The following FAT4 variants were observed in gnomAD, a reference collection of about 807,000 sequenced individuals.
FAT4 encodes FAT atypical cadherin 4.
In FAT4, 84 loss-of-function variants were observed where a neutral mutation model predicts 303.9. The observed-to-expected ratio is 0.28, with a 90% confidence interval of 0.23 to 0.33. FAT4 has a LOEUF of 0.33. FAT4 is among the 10% of genes least tolerant of loss of function. FAT4 has a pLI of 1.00. For missense variants in FAT4, 6,005 were observed against 6,146.8 expected, an observed-to-expected ratio of 0.98 and a Z score of 0.77; for synonymous variants, 2,307 against 2,298.8, an observed-to-expected ratio of 1.00 and a Z score of -0.10.
At position 125,409,413 on chromosome 4, in the gene FAT4, C is replaced by T. The variant is rs145278709; in HGVS notation, c.5920+619C>T. On this transcript the variant is annotated intron_variant, in intron 5 of 17. Transcript: ENST00000394329. ...CTAGGATTATAGGCATGCACCACCA[C>T]GCCTGGCTAATTTTGTATTTTTAGT... Among the ~76,000 whole-genome samples, 2,503 of 152,070 alleles carry T rather than the reference C, an allele frequency of 0.016. 173 individuals carry two copies. In the East Asian group the frequency reaches 0.25, roughly 15 times the overall value.
At chr4:125,363,193 G>C (rs1732737150) in intron 2 of FAT4, among the ~76,000 whole-genome samples, 1 of 151,970 alleles carries the variant, frequency 6.6e-6, no homozygotes, top group Non-Finnish European at 1.5e-5. Context: ...TAATTTCAAA[G>C]ACATGGAATT....
At chr4:125,342,447 A>C (rs543170744) in intron 2 of FAT4, among the ~76,000 whole-genome samples, 37 of 152,108 alleles carry the variant, frequency 2.4e-4, no homozygotes, top group African/African-American at 8.9e-4. Flanking sequence ...TTGACTTTTC[A>C]GCACTTACCT....
intron 2 of FAT4, among the ~76,000 whole-genome samples, chr4:125,344,175 C>T (rs578118660): frequency 6.6e-6 from 1 of 152,248 alleles, no homozygotes; most frequent in African/African-American, 2.4e-5. Context: ...ATTTGGATTT[C>T]GAATAAGATT....
intron 2 of FAT4, among the ~76,000 whole-genome samples, chr4:125,370,394 G>C (rs970593675): frequency 2.0e-5 from 3 of 152,106 alleles, no homozygotes; most frequent in Non-Finnish European, 4.4e-5. Flanking sequence ...AAACTGTACA[G>C]CACCTAACAA....
intron 2 of FAT4, among the ~76,000 whole-genome samples, chr4:125,329,767 A>C (rs1731303234): frequency 1.3e-5 from 2 of 152,178 alleles, no homozygotes. Flanking sequence ...CCCCAATAAA[A>C]ACATATTCCA....
Position 125,399,653 on chromosome 4 carries a change from G to A in FAT4, c.5307+738G>A, listed in dbSNP as rs145222073. Among the ~76,000 whole-genome samples, 356 of 151,780 alleles carry A rather than the reference G, an allele frequency of 2.3e-3. 3 individuals are homozygous for A. Among genetic ancestry groups the A allele is most frequent in the Admixed American group, 8.1e-3 (123 of 15,220 alleles). Reference sequence around the variant, plus strand: ...ATCAGTGCTTTATAAATGTATTTCTGTAACCTTAAAAATTTAAATAAATAA... The same window carrying A: ...ATCAGTGCTTTATAAATGTATTTCTATAACCTTAAAAATTTAAATAAATAA... On this transcript the variant is annotated intron_variant, in intron 3 of 17. Transcript: ENST00000394329.
At chr4:125,372,423 C>T (rs559684224) in intron 2 of FAT4, among the ~76,000 whole-genome samples, 1 of 144,888 alleles carries the variant, frequency 6.9e-6, no homozygotes, top group African/African-American at 2.5e-5. Flanking sequence ...ACACTAATAA[C>T]AAAAAAAATA....
Position 125,318,323 on chromosome 4 carries a change from T to A in FAT4, c.1912T>A (p.Ser638Thr). The A allele has an allele frequency of 1.9e-6, 3 of 1,614,188 alleles. No homozygotes were observed. Among genetic ancestry groups the A allele is most frequent in the Non-Finnish European group, 2.5e-6 (3 of 1,180,030 alleles). Residue 638 changes from serine to threonine, a missense_variant, in exon 2 of 18, where the codon TCT becomes ACT. Physicochemically the swap from Ser to Thr is moderately conservative, Grantham distance 58. Transcript: ENST00000394329. ...GAGGTCCTTCCGTCTGGATCCTGTGTCTGGGAGGTTGAGTACTATTTCCTC... is the reference window on the plus strand; with the variant it reads ...GAGGTCCTTCCGTCTGGATCCTGTGACTGGGAGGTTGAGTACTATTTCCTC... ...DRRSFRLDPV[S>T]GRLSTISSLD...
At position 125,451,891 on chromosome 4, in the gene FAT4, T is replaced by A; in HGVS notation, c.10881T>A (p.Gly3627=). 1.2e-6 allele frequency: 2 copies of A among 1,614,062 alleles called. No homozygotes were observed. Among genetic ancestry groups the A allele is most frequent in the Non-Finnish European group, 1.7e-6 (2 of 1,179,992 alleles). The stretch of plus-strand genomic sequence containing the variant: ...TGGAGATATTTGTTAATTATTATGG[T>A]AACTTGTTTCCCGGTGGGATTTTAG... ...RTVEIFVNYY[G]NLFPGGILGS... The change falls in exon 10 of 18, where the codon GGT becomes GGA. Residue 3627 remains glycine (G), a synonymous_variant. Transcript: ENST00000394329.
chr4:125,371,330 G>A (rs1286623973), intron 2 of FAT4, among the ~76,000 whole-genome samples: 1 of 151,542 alleles, frequency 6.6e-6, no homozygotes, highest in Non-Finnish European at 1.5e-5. Flanking sequence ...CAAATAATTA[G>A]TTATACAAAT....
intron 7 of FAT4, among the ~76,000 whole-genome samples, chr4:125,418,130 G>A (rs4834034): frequency 0.99 from 150,903 of 152,320 alleles, 74,764 homozygotes; most frequent in East Asian, 1. Flanking sequence ...GAGAAATTTC[G>A]GAAAAATATG....
chr4:125,479,266 C>T (rs1727139488), intron 14 of FAT4, among the ~76,000 whole-genome samples: 1 of 152,098 alleles, frequency 6.6e-6, no homozygotes, highest in South Asian at 2.1e-4. Context: ...TTTTCTGCCT[C>T]TTCCACAAGA....
At position 125,415,121 on chromosome 4, in the gene FAT4, C is replaced by T; in HGVS notation, c.6158C>T (p.Ser2053Phe). ...AATGATAACCCACCGACATTTCTTT[C>T]CCCTAAATTGACATACATTCCAGAA... is the stretch of plus-strand genomic sequence containing the variant. ...DVNDNPPTFL[S>F]PKLTYIPENT... The change falls in exon 6 of 18, where the codon TCC becomes TTC. Residue 2053 changes from serine to phenylalanine, a missense_variant. By Grantham distance (155) the Ser-to-Phe change is radical. Transcript: ENST00000394329. 6.2e-7 allele frequency: 1 copy of T among 1,614,018 alleles called. No individual in the cohort carries two copies. The highest frequency in any genetic ancestry group is 1.1e-5 in the South Asian group (1 of 91,082).
intron 8 of FAT4, among the ~76,000 whole-genome samples, chr4:125,437,468 A>G (rs1725499426): frequency 1.0e-5 from 1 of 98,400 alleles, no homozygotes; most frequent in Non-Finnish European, 2.0e-5. Flanking sequence ...CTACATACAG[A>G]TTTCTTTCAG....
chr4:125,319,713 A>G lies in FAT4; in HGVS notation c.3302A>G (p.Asn1101Ser), dbSNP rs1165353293. ...EDVNDNRPLF[N>S]STNYTFYFEE... Reference sequence around the variant, plus strand: ...GTAAATGATAACAGACCTCTTTTTAACAGTACCAATTACACATTTTACTTC... The same window carrying G: ...GTAAATGATAACAGACCTCTTTTTAGCAGTACCAATTACACATTTTACTTC... The change falls in exon 2 of 18, where the codon AAC becomes AGC. Residue 1101 changes from asparagine to serine, a missense_variant. By Grantham distance (46) the Asn-to-Ser change is conservative. Transcript: ENST00000394329. 6.2e-7 allele frequency: 1 copy of G among 1,614,150 alleles called. No individual in the cohort carries two copies. The highest frequency in any genetic ancestry group is 1.7e-5 in the Admixed American group (1 of 60,032).
At position 125,328,176 on chromosome 4, in the gene FAT4, G is replaced by A. The variant is rs116239400; in HGVS notation, c.5175+6590G>A. Among the ~76,000 whole-genome samples the A allele has an allele frequency of 2.7e-3, 413 of 152,318 alleles. 7 individuals are homozygous for A. Among genetic ancestry groups the A allele is most frequent in the African/African-American group, 9.2e-3 (383 of 41,582 alleles). On this transcript the variant is annotated intron_variant, in intron 2 of 17. Coordinates refer to ENST00000394329, the MANE Select transcript of FAT4 (RefSeq NM_001291303.3). ...AAGCTTTATGTAGTCTGTGACAAAA[G>A]TAGCCATTTTAATAGTATGTTGACT... is the stretch of plus-strand genomic sequence containing the variant.
At chr4:125,455,626 T>G (rs185564008) in intron 10 of FAT4, among the ~76,000 whole-genome samples, 2 of 152,304 alleles carry the variant, frequency 1.3e-5, no homozygotes, top group East Asian at 3.9e-4. Flanking sequence ...GCACAGAAAG[T>G]GTTCTAACTA....
chr4:125,321,847 C>A (rs985530541), intron 2 of FAT4, among the ~76,000 whole-genome samples: 4 of 152,116 alleles, frequency 2.6e-5, no homozygotes, highest in Admixed American at 6.6e-5. Flanking sequence ...AAGGAGAAAT[C>A]TTTAGCCATT....
chr4:125,364,073 G>A (rs28505007), intron 2 of FAT4, among the ~76,000 whole-genome samples: 1 of 152,042 alleles, frequency 6.6e-6, no homozygotes. Context: ...ACTGATGGAG[G>A]TTCTTGAAAC....
Sources: allele counts gnomAD v4.1 joint callset (sites outside exome capture counted in the v4.1 genomes callset), GRCh38; gene constraint gnomAD v4.1.1; transcripts MANE v1.5; gene names NCBI Gene and HGNC (gene_info 2026-07-23, HGNC 2026-07-21).